MDFIC: variants seen among roughly 807,000 people sequenced by gnomAD.
The protein encoded by MDFIC is myoD family inhibitor domain-containing protein.
Under a neutral mutation model 23.2 loss-of-function variants are expected in MDFIC, and 17 were observed. That is an observed-to-expected ratio of 0.73 (90% CI 0.50 to 1.10). The LOEUF is 1.10. Ranked by LOEUF, MDFIC falls within the 50% of genes least tolerant of loss-of-function variation. The pLI, the probability that MDFIC is intolerant of heterozygous loss-of-function variation, is 0.00. For missense variants in MDFIC, 356 were observed against 316.6 expected, an observed-to-expected ratio of 1.12 and a Z score of -0.95; for synonymous variants, 120 against 115.2, an observed-to-expected ratio of 1.04 and a Z score of -0.27.
intron 4 of MDFIC, among the ~76,000 whole-genome samples, chr7:114,987,325 C>T (rs566035974): frequency 5.3e-5 from 8 of 152,042 alleles, no homozygotes; most frequent in South Asian, 4.1e-4. Context: ...AAAGCTTTTC[C>T]GTTTTGCCTA....
At chr7:115,005,214 A>G (rs1368945124) in intron 4 of MDFIC, among the ~76,000 whole-genome samples, 1 of 152,226 alleles carries the variant, frequency 6.6e-6, no homozygotes. Flanking sequence ...TCACTCAGGC[A>G]ATTAGTGACA....
chr7:114,938,579 G>T (rs1792476794), intron 2 of MDFIC, among the ~76,000 whole-genome samples: 1 of 152,132 alleles, frequency 6.6e-6, no homozygotes, highest in Non-Finnish European at 1.5e-5. Flanking sequence ...TTCAAGAGCT[G>T]CACAGCGGTT....
intron 3 of MDFIC, among the ~76,000 whole-genome samples, chr7:114,956,892 T>C (rs1312128358): frequency 6.6e-6 from 1 of 152,206 alleles, no homozygotes; most frequent in African/African-American, 2.4e-5. Flanking sequence ...AAGTGGTTTC[T>C]TACAGTTATG....
chr7:114,923,339 C>G, intron 2 of MDFIC: 2 of 1,195,614 alleles, frequency 1.7e-6, no homozygotes, highest in Non-Finnish European at 2.4e-6. Flanking sequence ...ACCGTTGGTC[C>G]CTCCACTCCC....
intron 4 of MDFIC, among the ~76,000 whole-genome samples, chr7:114,985,430 G>A (rs912176941): frequency 3.3e-5 from 5 of 151,938 alleles, no homozygotes; most frequent in African/African-American, 1.2e-4. Context: ...ATAGAGGGAG[G>A]CATTCAAGGC....
chr7:114,943,229 A>G (rs1011108163), intron 3 of MDFIC, among the ~76,000 whole-genome samples: 2 of 152,188 alleles, frequency 1.3e-5, no homozygotes, highest in Non-Finnish European at 2.9e-5. Context: ...TTAAAAACTT[A>G]TTTCTTTAGT....
chr7:114,964,987 A>G (rs1793069892), intron 3 of MDFIC, among the ~76,000 whole-genome samples: 1 of 152,200 alleles, frequency 6.6e-6, no homozygotes, highest in African/African-American at 2.4e-5. Flanking sequence ...GTTTCTTGTT[A>G]TGGAAAAGCA....
intron 3 of MDFIC, among the ~76,000 whole-genome samples, chr7:114,960,890 G>A (rs570658493): frequency 6.6e-5 from 10 of 152,132 alleles, no homozygotes; most frequent in South Asian, 2.1e-4. Context: ...TCTTCAAGAC[G>A]GCAAGTAGAT....
At chr7:114,984,060 T>C (rs1206730324) in intron 4 of MDFIC, among the ~76,000 whole-genome samples, 10 of 152,116 alleles carry the variant, frequency 6.6e-5, no homozygotes, top group Admixed American at 5.2e-4. Context: ...GACATTCTGG[T>C]TCCACAATCC....
chr7:114,922,930 C>T lies in MDFIC; in HGVS notation c.-104C>T. On this transcript the variant is annotated 5_prime_UTR_variant, in exon 2 of 5. Coordinates refer to ENST00000393486, the MANE Select transcript of MDFIC (RefSeq NM_001166345.3). ...ATTTTGTATATTTTTCCGCCAGAAG[C>T]AGTCAGTTCCCTGCACCCAGCACCT... 2 of 1,591,286 alleles carry T rather than the reference C, an allele frequency of 1.3e-6. No homozygotes were observed. Among genetic ancestry groups the T allele is most frequent in the South Asian group, 2.2e-5 (2 of 89,036 alleles).
intron 4 of MDFIC, chr7:114,980,176 T>C (rs530519675): frequency 4.3e-6 from 1 of 234,558 alleles, no homozygotes; most frequent in East Asian, 1.2e-4. Flanking sequence ...TATTTTTGTC[T>C]TGCAAATCGG....
chr7:115,008,941 G>A (rs555441527), intron 4 of MDFIC, among the ~76,000 whole-genome samples: 2 of 152,300 alleles, frequency 1.3e-5, no homozygotes, highest in Non-Finnish European at 2.9e-5. Flanking sequence ...GGTGATAGTC[G>A]TAGCAGCTAA....
chr7:114,995,306 C>G (rs918038486), intron 4 of MDFIC, among the ~76,000 whole-genome samples: 1 of 152,184 alleles, frequency 6.6e-6, no homozygotes, highest in Non-Finnish European at 1.5e-5. Context: ...CCCCCTTTAG[C>G]TTGGAGAAGT....
chr7:114,945,507 A>T (rs186469106), intron 3 of MDFIC, among the ~76,000 whole-genome samples: 4 of 152,266 alleles, frequency 2.6e-5, no homozygotes, highest in Admixed American at 1.3e-4. Flanking sequence ...CAGGTGGAAG[A>T]CCTGGGGTAT....
At chr7:115,004,512 G>C (rs568335057) in intron 4 of MDFIC, among the ~76,000 whole-genome samples, 1 of 152,202 alleles carries the variant, frequency 6.6e-6, no homozygotes, top group Non-Finnish European at 1.5e-5. Flanking sequence ...CTACCAGCAC[G>C]ATGTGTTTGT....
chr7:114,923,460 T>C, intron 2 of MDFIC: 1 of 1,537,800 alleles, frequency 6.5e-7, no homozygotes. Flanking sequence ...CTCCTCTAGG[T>C]CTCTTCAGCA....
At chr7:115,006,612 C>T (rs1052401068) in intron 4 of MDFIC, among the ~76,000 whole-genome samples, 1 of 152,156 alleles carries the variant, frequency 6.6e-6, no homozygotes, top group Admixed American at 6.5e-5. Flanking sequence ...GTGAAATAAA[C>T]ACAGTTGGGA....
chr7:114,925,987 A>G (rs144708639), intron 2 of MDFIC, among the ~76,000 whole-genome samples: 33 of 152,346 alleles, frequency 2.2e-4, no homozygotes, highest in African/African-American at 7.5e-4. Context: ...GTACTTGTAT[A>G]CATGTCTTGA....
chr7:114,989,460 G>A (rs979148860), intron 4 of MDFIC, among the ~76,000 whole-genome samples: 10 of 152,058 alleles, frequency 6.6e-5, no homozygotes, highest in Non-Finnish European at 1.3e-4. Context: ...TTTAAGATAG[G>A]AACAATTTCA....
Sources: gnomAD v4.1 joint callset for allele counts (sites outside exome capture counted in the v4.1 genomes callset) on GRCh38, gnomAD v4.1.1 for gene constraint, MANE v1.5 for transcripts, NCBI Gene and HGNC (gene_info 2026-07-23, HGNC 2026-07-21) for gene names.